The following NRF1 variants were observed in gnomAD, a reference collection of about 807,000 sequenced individuals.
NRF1 encodes the protein alpha palindromic-binding protein.
NRF1 carries 5 observed loss-of-function variants against 58.5 expected under a neutral mutation model. The ratio of observed to expected loss-of-function variants is 0.09; its 90% CI spans 0.04 to 0.18. NRF1 has a LOEUF of 0.18. NRF1 is among the 10% of genes least tolerant of loss of function. The probability of loss-of-function intolerance (pLI) is 1.00; values close to 1 mark genes in which losing one functional copy is unlikely to be tolerated. For missense variants in NRF1, 288 were observed against 657.7 expected, an observed-to-expected ratio of 0.44 and a Z score of 6.15; for synonymous variants, 224 against 246.7, an observed-to-expected ratio of 0.91 and a Z score of 0.86.
chr7:129,754,922 C>T (rs1804216745), intron 10 of NRF1, 96 bp from the exon 11 acceptor site: 5 of 1,291,036 alleles, frequency 3.9e-6, no homozygotes, highest in East Asian at 2.7e-5. Context: ...CTGGTGACCA[C>T]GATACCTCAA....
chr7:129,724,094 T>TGACTG (rs1803396111), intron 9 of NRF1, among the ~76,000 whole-genome samples: 1 of 151,966 alleles, frequency 6.6e-6, no homozygotes, highest in South Asian at 2.1e-4. Flanking sequence ...AGACTATCAG[T>TGACTG]AGAGGAAAAA....
At chr7:129,734,683 G>A (rs1461222868) in intron 10 of NRF1, among the ~76,000 whole-genome samples, 1 of 152,208 alleles carries the variant, frequency 6.6e-6, no homozygotes, top group East Asian at 1.9e-4. Flanking sequence ...ACTCATCATT[G>A]GCTGGCTGTC....
At chr7:129,707,371 A>G (rs1267726514) in intron 5 of NRF1, among the ~76,000 whole-genome samples, 2 of 152,228 alleles carry the variant, frequency 1.3e-5, no homozygotes, top group Non-Finnish European at 1.5e-5. Flanking sequence ...GTATGAATAT[A>G]AAGAATTCTC....
At chr7:129,625,738 GT>G (rs948970784) in intron 1 of NRF1, among the ~76,000 whole-genome samples, 2 of 134,264 alleles carry the variant, frequency 1.5e-5, no homozygotes, top group African/African-American at 5.7e-5. Flanking sequence ...CTGGAGTGCA[GT>G]GGTGCGATCT....
intron 10 of NRF1, among the ~76,000 whole-genome samples, chr7:129,730,371 C>G (rs181621610): frequency 6.6e-4 from 100 of 152,102 alleles, no homozygotes; most frequent in African/African-American, 2.3e-3. Context: ...CAGGAAGAAC[C>G]AGATGATAGC....
intron 1 of NRF1, among the ~76,000 whole-genome samples, chr7:129,647,404 C>CT (rs1274782003): frequency 0.034 from 4,486 of 131,516 alleles, 259 homozygotes; most frequent in African/African-American, 0.11. Context: ...TCTTTTCTTG[C>CT]TTTTTTTTTT....
At chr7:129,747,221 G>C (rs1337901520) in intron 10 of NRF1, among the ~76,000 whole-genome samples, 3 of 152,168 alleles carry the variant, frequency 2.0e-5, no homozygotes, top group African/African-American at 7.2e-5. Context: ...GGTTCTGCCT[G>C]GTTGCTTATT....
chr7:129,744,539 T>C (rs949026953), intron 10 of NRF1, among the ~76,000 whole-genome samples: 13 of 152,148 alleles, frequency 8.5e-5, no homozygotes, highest in Admixed American at 8.5e-4. Context: ...CAAGTGATCC[T>C]CCCACCTCTA....
chr7:129,655,101 T>C (rs1161079093), intron 1 of NRF1, among the ~76,000 whole-genome samples: 1 of 152,216 alleles, frequency 6.6e-6, no homozygotes, highest in Non-Finnish European at 1.5e-5. Flanking sequence ...AATATCTCTC[T>C]CTATTTAGTT....
intron 4 of NRF1, 136 bp downstream of exon 4, chr7:129,677,894 T>A: frequency 1.0e-6 from 1 of 975,216 alleles, no homozygotes; most frequent in Non-Finnish European, 1.5e-6. Flanking sequence ...GGACTAGTTT[T>A]CAGACTGCTT....
chr7:129,679,517 C>G (rs537878730), intron 4 of NRF1, among the ~76,000 whole-genome samples: 1 of 152,124 alleles, frequency 6.6e-6, no homozygotes, highest in Admixed American at 6.6e-5. Context: ...GTCAGGAGTT[C>G]GAGACCAGCC....
intron 1 of NRF1, among the ~76,000 whole-genome samples, chr7:129,633,238 G>A (rs1217749607): frequency 6.6e-6 from 1 of 152,128 alleles, no homozygotes; most frequent in Admixed American, 6.5e-5. Flanking sequence ...TTCCAGATAG[G>A]TGATGCTTAT....
At chr7:129,695,580 AAAAAAAAAC>A (rs1206450260) in intron 5 of NRF1, among the ~76,000 whole-genome samples, 2 of 151,000 alleles carry the variant, frequency 1.3e-5, no homozygotes, top group Non-Finnish European at 3.0e-5. Context: ...GATCTCAAAA[AAAAAAAAAC>A]AAAAAAAACT....
chr7:129,680,053 C>G (rs1424740093), intron 4 of NRF1, among the ~76,000 whole-genome samples: 1 of 152,000 alleles, frequency 6.6e-6, no homozygotes, highest in African/African-American at 2.4e-5. Flanking sequence ...CAGCCAGACT[C>G]TGTCTCAAAA....
intron 2 of NRF1, among the ~76,000 whole-genome samples, chr7:129,669,786 C>A (rs767111681): frequency 2.0e-5 from 3 of 152,046 alleles, no homozygotes; most frequent in Non-Finnish European, 4.4e-5. Context: ...ATGGAGATTC[C>A]TCCAAAAAAT....
intron 1 of NRF1, among the ~76,000 whole-genome samples, chr7:129,625,599 C>G (rs961427945): frequency 6.6e-6 from 1 of 151,374 alleles, no homozygotes; most frequent in East Asian, 1.9e-4. Context: ...CTCCTGGGCT[C>G]GGGCAGTCTT....
chr7:129,624,862 G>A (rs1584583135), intron 1 of NRF1, among the ~76,000 whole-genome samples: 1 of 152,108 alleles, frequency 6.6e-6, no homozygotes, highest in East Asian at 1.9e-4. Flanking sequence ...TTTCCTTATT[G>A]TCCGAGTCGT....
intron 4 of NRF1, among the ~76,000 whole-genome samples, chr7:129,690,104 A>G (rs1802529850): frequency 6.6e-6 from 1 of 152,214 alleles, no homozygotes; most frequent in South Asian, 2.1e-4. Context: ...TTAGACCTGG[A>G]ACAGGCAATG....
At chr7:129,671,320 G>A (rs773877241) in intron 2 of NRF1, 109 bp from the exon 3 acceptor site, 11 of 612,888 alleles carry the variant, frequency 1.8e-5, no homozygotes, top group Non-Finnish European at 2.3e-5. Context: ...TTTATTTACC[G>A]ACAACAATAT....
Sources: allele counts gnomAD v4.1 joint callset (sites outside exome capture counted in the v4.1 genomes callset), GRCh38; gene constraint gnomAD v4.1.1; transcripts MANE v1.5; gene names NCBI Gene and HGNC (gene_info 2026-07-23, HGNC 2026-07-21).